MTUS1: variants seen among roughly 807,000 people sequenced by gnomAD.
MTUS1 encodes the protein microtubule associated scaffold protein 1.
In MTUS1, 109 loss-of-function variants were observed where a neutral mutation model predicts 120.8. The observed-to-expected ratio is 0.90, with a 90% CI of 0.77 to 1.06. The LOEUF is 1.06. Ranked by LOEUF, MTUS1 falls within the 50% of genes least tolerant of loss-of-function variation. The pLI, the probability that MTUS1 is intolerant of heterozygous loss-of-function variation, is 0.00. For missense variants in MTUS1, 2,210 were observed against 1,486.3 expected (o/e 1.49, Z -8.01); for synonymous variants, 737 against 550.5 (o/e 1.34, Z -4.74).
chr8:17,762,351 A>G (rs549106817), intron 1 of MTUS1, among the ~76,000 whole-genome samples: 1 of 152,314 alleles, frequency 6.6e-6, no homozygotes, highest in East Asian at 1.9e-4. Context: ...ATTATAAAAA[A>G]TATATTCATA....
At chr8:17,786,485 T>C (rs2051311478) in intron 1 of MTUS1, among the ~76,000 whole-genome samples, 1 of 152,130 alleles carries the variant, frequency 6.6e-6, no homozygotes, top group Non-Finnish European at 1.5e-5. Context: ...GAGCCTCAGA[T>C]AGGAAGCGTG....
chr8:17,742,121 T>G (rs143906358), intron 3 of MTUS1, among the ~76,000 whole-genome samples: 8 of 152,178 alleles, frequency 5.3e-5, no homozygotes, highest in African/African-American at 1.9e-4. Flanking sequence ...GACAGGGTTT[T>G]GCTCTGCTGC....
chr8:17,793,556 A>T lies in MTUS1; in HGVS notation c.-155+7505T>A, dbSNP rs1456264697. ...TTCCAGACCACATCTGGGAGAAATA[A>T]TTATAAAAGTAAAAATGTACCCAGC... On this transcript the variant is annotated intron_variant, in intron 1 of 14. Coordinates refer to ENST00000693296, the MANE Select transcript of MTUS1 (RefSeq NM_001363059.2). Among the ~76,000 whole-genome samples, 3 of 152,224 alleles carry T rather than the reference A, an allele frequency of 2.0e-5. 1 individual carries two copies. Among genetic ancestry groups the T allele is most frequent in the Non-Finnish European group, 4.4e-5 (3 of 68,028 alleles).
At chr8:17,763,520 A>C (rs1290826687) in intron 1 of MTUS1, among the ~76,000 whole-genome samples, 1 of 152,156 alleles carries the variant, frequency 6.6e-6, no homozygotes, top group Non-Finnish European at 1.5e-5. Context: ...GAAGTGACTT[A>C]GTGGATTTTT....
chr8:17,787,319 G>A (rs1336422344), intron 1 of MTUS1, among the ~76,000 whole-genome samples: 2 of 152,332 alleles, frequency 1.3e-5, no homozygotes, highest in African/African-American at 4.8e-5. Context: ...GTGACAGACA[G>A]GTCACATGAC....
At chr8:17,700,909 CAG>C (rs36066377) in intron 6 of MTUS1, among the ~76,000 whole-genome samples, 94,240 of 151,494 alleles carry the variant, frequency 0.62, 29,488 homozygotes, top group Middle Eastern at 0.72. Flanking sequence ...TTCAAACAAA[CAG>C]AAATTCCACT....
chr8:17,728,311 A>G (rs1177729769), intron 3 of MTUS1, among the ~76,000 whole-genome samples: 2 of 152,156 alleles, frequency 1.3e-5, no homozygotes, highest in Non-Finnish European at 2.9e-5. Flanking sequence ...ATGGGGTTTC[A>G]TCAGGCTGGT....
Position 17,751,043 on chromosome 8 carries a change from G to A in MTUS1, c.2091+2674C>T, listed in dbSNP as rs571160424. ...AGTAAAAATTAACATCCGACCGGGC[G>A]CGATGGCTCACGCCTGTAATCCCAG... On this transcript the variant is annotated intron_variant, in intron 2 of 14. Coordinates refer to ENST00000693296, the MANE Select transcript of MTUS1 (RefSeq NM_001363059.2). 2.4e-4 allele frequency among the ~76,000 whole-genome samples: 36 copies of A among 152,332 alleles called. No individual in the cohort carries two copies. In the South Asian group the frequency reaches 6.4e-3, roughly 27 times the overall value.
At position 17,784,364 on chromosome 8, in the gene MTUS1, C is replaced by T. The variant is rs1328382262; in HGVS notation, c.-155+16697G>A. Among the ~76,000 whole-genome samples the T allele has an allele frequency of 9.7e-5, 14 of 144,928 alleles. 1 individual carries two copies. The highest frequency in any genetic ancestry group is 4.3e-4 in the South Asian group (2 of 4,608). The stretch of plus-strand genomic sequence containing the variant: ...AGGCTAGAGTGCAATGTCGCCATCT[C>T]GGCTCACTGCAACCTCCACCTCCCA... On this transcript the variant is annotated intron_variant, in intron 1 of 14. Coordinates refer to ENST00000693296, the MANE Select transcript of MTUS1 (RefSeq NM_001363059.2).
At chr8:17,666,739 G>C (rs936128176) in intron 8 of MTUS1, among the ~76,000 whole-genome samples, 33 of 152,292 alleles carry the variant, frequency 2.2e-4, no homozygotes, top group African/African-American at 7.9e-4. Context: ...CAGGAAGAGG[G>C]ATCACCTTCC....
intron 1 of MTUS1, among the ~76,000 whole-genome samples, chr8:17,770,118 T>C (rs1335109623): frequency 6.6e-6 from 1 of 152,210 alleles, no homozygotes; most frequent in East Asian, 1.9e-4. Flanking sequence ...CATTTTTACA[T>C]GTTGCTTAAT....
In MTUS1 at chr8:17,696,169, T is replaced by TC. The variant is rs562918239; in HGVS notation, c.2624-11628dup. 1.8e-4 allele frequency among the ~76,000 whole-genome samples: 27 copies of TC among 151,954 alleles called. No homozygotes were observed. The East Asian group carries it at 3.7e-3, about 21-fold the overall frequency. Reference sequence around the variant, plus strand: ...CACTGCTGACCTCCTCCTCGCTGCCTCCCCCCATTTACCGTCAGCTCAGAC... The same window carrying TC: ...CACTGCTGACCTCCTCCTCGCTGCCTCCCCCCCATTTACCGTCAGCTCAGAC... On this transcript the variant is annotated intron_variant, in intron 6 of 14. Transcript: ENST00000693296.
chr8:17,779,647 G>A lies in MTUS1; in HGVS notation c.-155+21414C>T, dbSNP rs551175459. On this transcript the variant is annotated intron_variant, in intron 1 of 14. Transcript: ENST00000693296. ...ACAAATCGAAACCTCTTCACAATAC[G>A]GGAATCAACCTTAAAGAAGGCCCCC... Among the ~76,000 whole-genome samples, 9 of 152,230 alleles carry A rather than the reference G, an allele frequency of 5.9e-5. No individual in the cohort carries two copies. In the South Asian group the frequency reaches 6.2e-4, roughly 11 times the overall value.
intron 1 of MTUS1, among the ~76,000 whole-genome samples, chr8:17,773,893 T>G (rs889075293): frequency 1.3e-5 from 2 of 152,088 alleles, no homozygotes; most frequent in African/African-American, 4.8e-5. Context: ...ATGACTAGCA[T>G]TTCTGAGGTG....
rs1404267721 is a variant in MTUS1, at chr8:17,743,762, T to C, written c.2129A>G (p.Asn710Ser). 2 of 1,614,128 alleles carry C rather than the reference T, an allele frequency of 1.2e-6. No homozygotes were observed. Among genetic ancestry groups the C allele is most frequent in the Admixed American group, 3.3e-5 (2 of 60,018 alleles). ...ACCGCAGGAGTCAGGCTTGGATATA[T>C]TCCTACCTGAGGTGGTCGTTGTTTT... ...ASKTTTTSGR[N>S]ISKPDSCGLR... Residue 710 changes from asparagine to serine, a missense_variant, in exon 3 of 15, where the codon AAT becomes AGT. Coordinates refer to ENST00000693296, the MANE Select transcript of MTUS1 (RefSeq NM_001363059.2).
chr8:17,758,567 G>C (rs1319888902), intron 1 of MTUS1, among the ~76,000 whole-genome samples: 1 of 152,168 alleles, frequency 6.6e-6, no homozygotes, highest in African/African-American at 2.4e-5. Context: ...CAAGCTAAAT[G>C]TTTAAATCAA....
At chr8:17,691,096 T>C (rs1396168766) in intron 6 of MTUS1, among the ~76,000 whole-genome samples, 1 of 152,222 alleles carries the variant, frequency 6.6e-6, no homozygotes, top group African/African-American at 2.4e-5. Context: ...ATTCCTCCAG[T>C]GTCTCTTGAT....
rs371426187 is a variant in MTUS1, at chr8:17,788,241, A to C, written c.-155+12820T>G. Reference sequence around the variant, plus strand: ...TGCACACTTAAGCCAGGTGCACTGCATTTCATCACACTTAATGTTATCTCA... The same window carrying C: ...TGCACACTTAAGCCAGGTGCACTGCCTTTCATCACACTTAATGTTATCTCA... On this transcript the variant is annotated intron_variant, in intron 1 of 14. Transcript: ENST00000693296. Among the ~76,000 whole-genome samples the C allele has an allele frequency of 1.5e-4, 23 of 152,350 alleles. No homozygotes were observed. In the South Asian group the frequency reaches 4.6e-3, roughly 30 times the overall value.
intron 8 of MTUS1, among the ~76,000 whole-genome samples, chr8:17,661,194 G>A (rs985360008): frequency 6.6e-6 from 1 of 152,102 alleles, no homozygotes; most frequent in African/African-American, 2.4e-5. Flanking sequence ...TGTGAATCTC[G>A]TATTAGAACT....
Sources: allele counts gnomAD v4.1 joint callset (sites outside exome capture counted in the v4.1 genomes callset), GRCh38; gene constraint gnomAD v4.1.1; transcripts MANE v1.5; gene names NCBI Gene and HGNC (gene_info 2026-07-23, HGNC 2026-07-21).